The following CAMTA1 variants were observed in gnomAD, a reference collection of about 807,000 sequenced individuals.
CAMTA1 encodes calmodulin binding transcription activator 1, also known as calmodulin-binding transcription activator 1.
A neutral mutation model predicts 170.9 loss-of-function variants in CAMTA1; 27 were observed. The ratio of observed to expected loss-of-function variants is 0.16; its 90% CI spans 0.12 to 0.22. CAMTA1 has a LOEUF of 0.22. Among genes scored for constraint, CAMTA1 ranks in the 10% least tolerant of loss-of-function variants. CAMTA1 has a pLI of 1.00. For synonymous variants in CAMTA1, 833 were observed against 891.5 expected (o/e 0.93, Z 1.17); for missense variants, 1,619 against 2,217.2 (o/e 0.73, Z 5.42).
At chr1:7,385,809 T>C (rs568052312) in intron 5 of CAMTA1, among the ~76,000 whole-genome samples, 204 of 152,278 alleles carry the variant, frequency 1.3e-3, no homozygotes, top group East Asian at 7.0e-3. Context: ...CTCTTCCACA[T>C]TTGGCCTCCC....
At chr1:7,208,162 T>A (rs980462541) in intron 4 of CAMTA1, among the ~76,000 whole-genome samples, 1 of 152,254 alleles carries the variant, frequency 6.6e-6, no homozygotes, top group Non-Finnish European at 1.5e-5. Flanking sequence ...AGAAGCCAGC[T>A]GGCTTGTGCA....
At chr1:7,750,313 TA>T (rs1173583076) in intron 19 of CAMTA1, among the ~76,000 whole-genome samples, 4 of 152,212 alleles carry the variant, frequency 2.6e-5, no homozygotes, top group African/African-American at 7.2e-5. Flanking sequence ...CATCCAGAGA[TA>T]CAGTTAGGCA....
At chr1:7,340,089 C>T (rs958503521) in intron 5 of CAMTA1, among the ~76,000 whole-genome samples, 1 of 152,156 alleles carries the variant, frequency 6.6e-6, no homozygotes, top group Non-Finnish European at 1.5e-5. Context: ...CTTTGCCAGC[C>T]ATATGGTCTG....
chr1:7,283,731 C>G (rs1391082620), intron 5 of CAMTA1, among the ~76,000 whole-genome samples: 1 of 152,224 alleles, frequency 6.6e-6, no homozygotes, highest in Admixed American at 6.5e-5. Context: ...AAACTCCATT[C>G]CCTTTTCCTC....
chr1:7,105,357 G>A (rs1372133637), intron 4 of CAMTA1, among the ~76,000 whole-genome samples: 2 of 152,152 alleles, frequency 1.3e-5, no homozygotes, highest in South Asian at 2.1e-4. Flanking sequence ...CAGAAAGTTC[G>A]GGCTTATCAT....
chr1:6,980,242 T>C (rs1694201747), intron 3 of CAMTA1, among the ~76,000 whole-genome samples: 1 of 152,136 alleles, frequency 6.6e-6, no homozygotes, highest in Non-Finnish European at 1.5e-5. Context: ...TCTTGCCTGA[T>C]GGGCCCTTAC....
chr1:7,451,043 T>A (rs2092811985), intron 5 of CAMTA1, among the ~76,000 whole-genome samples: 1 of 152,148 alleles, frequency 6.6e-6, no homozygotes, highest in Admixed American at 6.5e-5. Flanking sequence ...CATTAATAGA[T>A]GTAGGCTCTT....
At chr1:7,471,367 C>T (rs539592261) in intron 6 of CAMTA1, among the ~76,000 whole-genome samples, 2 of 152,342 alleles carry the variant, frequency 1.3e-5, no homozygotes, top group South Asian at 2.1e-4. Flanking sequence ...GACCAGTAAC[C>T]ACCATGTGAG....
intron 3 of CAMTA1, among the ~76,000 whole-genome samples, chr1:6,856,259 G>A (rs1662311850): frequency 6.6e-6 from 1 of 151,688 alleles, no homozygotes; most frequent in African/African-American, 2.4e-5. Flanking sequence ...ATATCAAGAT[G>A]GCCAAGATGG....
intron 11 of CAMTA1, chr1:7,700,997 C>T (rs1260749661): frequency 6.6e-6 from 1 of 152,224 alleles, no homozygotes; most frequent in African/African-American, 2.4e-5. Flanking sequence ...TGGCATTACT[C>T]TCCAGCCTGG....
At chr1:7,447,285 A>G (rs1390423078) in intron 5 of CAMTA1, among the ~76,000 whole-genome samples, 5 of 152,040 alleles carry the variant, frequency 3.3e-5, no homozygotes, top group Admixed American at 3.3e-4. Context: ...GAGTGACTCT[A>G]CAAGAAGGGC....
At chr1:6,946,778 C>T (rs1254671268) in intron 3 of CAMTA1, among the ~76,000 whole-genome samples, 1 of 151,104 alleles carries the variant, frequency 6.6e-6, no homozygotes, top group Non-Finnish European at 1.5e-5. Context: ...TTTTCACTTC[C>T]TTCACCGTGT....
chr1:6,886,787 C>T (rs948382569), intron 3 of CAMTA1, among the ~76,000 whole-genome samples: 1 of 152,160 alleles, frequency 6.6e-6, no homozygotes, highest in African/African-American at 2.4e-5. Context: ...TGACCCTTCC[C>T]CCAAAATAGT....
At chr1:7,188,548 G>A (rs934563576) in intron 4 of CAMTA1, among the ~76,000 whole-genome samples, 3 of 152,110 alleles carry the variant, frequency 2.0e-5, no homozygotes, top group Admixed American at 6.5e-5. Flanking sequence ...CCTCATACAA[G>A]TACCAATACA....
At chr1:6,924,551 ACT>A (rs559709045) in intron 3 of CAMTA1, among the ~76,000 whole-genome samples, 4 of 151,776 alleles carry the variant, frequency 2.6e-5, no homozygotes, top group African/African-American at 9.7e-5. Flanking sequence ...CTGAGTGTCG[ACT>A]CTGCCTTTCT....
chr1:7,087,015 T>C (rs958443396), intron 3 of CAMTA1, among the ~76,000 whole-genome samples: 5 of 151,996 alleles, frequency 3.3e-5, no homozygotes, highest in African/African-American at 7.2e-5. Context: ...GCCCGGAGAG[T>C]GAGGAGTCCT....
chr1:7,638,469 C>T lies in CAMTA1; in HGVS notation c.511-1931C>T, dbSNP rs527272115. ...CAGCCTGACCAATATGGTGAAACCC[C>T]GTCTCTACTAAAAATACAAAAATTA... is the stretch of plus-strand genomic sequence containing the variant. On this transcript the variant is annotated intron_variant, in intron 6 of 22. Transcript: ENST00000303635. Among the ~76,000 whole-genome samples, 9 of 152,138 alleles carry T rather than the reference C, an allele frequency of 5.9e-5. No homozygotes were observed. The South Asian group carries it at 1.5e-3, about 25-fold the overall frequency.
intron 5 of CAMTA1, among the ~76,000 whole-genome samples, chr1:7,431,431 C>G (rs72856686): frequency 0.011 from 1,630 of 152,336 alleles, 19 homozygotes; most frequent in African/African-American, 0.037. Context: ...CTCATTTCCA[C>G]CCGGGAGTAC....
intron 5 of CAMTA1, among the ~76,000 whole-genome samples, chr1:7,257,112 G>C (rs1667531796): frequency 6.6e-6 from 1 of 150,774 alleles, no homozygotes; most frequent in South Asian, 2.1e-4. Context: ...ATACATGTTG[G>C]GGGAACACAG....
Sources: gnomAD v4.1 joint callset for allele counts (sites outside exome capture counted in the v4.1 genomes callset) on GRCh38, gnomAD v4.1.1 for gene constraint, MANE v1.5 for transcripts, NCBI Gene and HGNC (gene_info 2026-07-23, HGNC 2026-07-21) for gene names.